TENM4: variants seen among roughly 807,000 people sequenced by gnomAD.
TENM4 encodes the protein teneurin-4.
In TENM4, 82 loss-of-function variants were observed where a neutral mutation model predicts 243.3. That is an observed-to-expected ratio of 0.34 (90% confidence interval 0.28 to 0.40). The LOEUF is 0.40. Among genes scored for constraint, TENM4 ranks in the 10% least tolerant of loss-of-function variants. The pLI is 1.00. For missense variants in TENM4, 3,138 were observed against 3,673.3 expected (o/e 0.85, Z 3.77); for synonymous variants, 1,412 against 1,456.3 (o/e 0.97, Z 0.69).
chr11:78,865,478 A>G (rs1858947331), intron 9 of TENM4, among the ~76,000 whole-genome samples: 1 of 152,198 alleles, frequency 6.6e-6, no homozygotes, highest in Admixed American at 6.5e-5. Context: ...TACATCAAAC[A>G]GCCTCCAAGG....
At chr11:78,833,924 C>T (rs995558878) in intron 12 of TENM4, among the ~76,000 whole-genome samples, 1 of 152,194 alleles carries the variant, frequency 6.6e-6, no homozygotes. Context: ...CTTCCTAACT[C>T]TTTGCATGTA....
At chr11:79,436,187 C>T (rs889134387) in intron 1 of TENM4, among the ~76,000 whole-genome samples, 1 of 151,586 alleles carries the variant, frequency 6.6e-6, no homozygotes, top group African/African-American at 2.4e-5. Context: ...TGACAGTGTT[C>T]AATAATATGA....
intron 4 of TENM4, among the ~76,000 whole-genome samples, chr11:79,094,783 G>T (rs1861040424): frequency 6.6e-6 from 1 of 152,174 alleles, no homozygotes. Flanking sequence ...TGGGGGAGGA[G>T]CTCCTACTGC....
At chr11:78,981,040 T>C (rs1307109278) in intron 6 of TENM4, among the ~76,000 whole-genome samples, 1 of 152,102 alleles carries the variant, frequency 6.6e-6, no homozygotes. Context: ...CACAATAATC[T>C]CTCCCCCATG....
intron 6 of TENM4, among the ~76,000 whole-genome samples, chr11:78,988,103 T>C (rs1857959206): frequency 6.6e-6 from 1 of 152,268 alleles, no homozygotes; most frequent in Non-Finnish European, 1.5e-5. Flanking sequence ...AGAGTTTGAC[T>C]TCCAAGGCTA....
chr11:78,987,714 T>C (rs1326556907), intron 6 of TENM4, among the ~76,000 whole-genome samples: 1 of 152,192 alleles, frequency 6.6e-6, no homozygotes, highest in African/African-American at 2.4e-5. Flanking sequence ...ATTCAAATAA[T>C]AAAAATAGTA....
chr11:79,254,197 A>AT (rs1299278766), intron 2 of TENM4, among the ~76,000 whole-genome samples: 1 of 152,196 alleles, frequency 6.6e-6, no homozygotes, highest in African/African-American at 2.4e-5. Context: ...ACTTACACCC[A>AT]TCCCCCAAAA....
At chr11:79,210,883 T>C (rs148343251) in intron 3 of TENM4, among the ~76,000 whole-genome samples, 5 of 152,344 alleles carry the variant, frequency 3.3e-5, no homozygotes, top group Non-Finnish European at 7.3e-5. Flanking sequence ...TAGCCCTCTG[T>C]ATACATACAT....
chr11:79,278,984 C>T (rs1476275724), intron 2 of TENM4, among the ~76,000 whole-genome samples: 1 of 152,178 alleles, frequency 6.6e-6, no homozygotes, highest in Non-Finnish European at 1.5e-5. Context: ...CACAGAAGCA[C>T]CCAACATGCA....
At chr11:79,167,678 G>T (rs1442197887) in intron 3 of TENM4, among the ~76,000 whole-genome samples, 5 of 152,168 alleles carry the variant, frequency 3.3e-5, no homozygotes, top group East Asian at 1.9e-4. Context: ...CTTGAGCAGG[G>T]TTGGTAGCCC....
rs1391271072 is a variant in TENM4 at position 78,903,324 on chromosome 11, C to G, written c.693G>C (p.Glu231Asp). ...GCCAGTTCTCCTGGGCGTGGGCAGG[C>G]TCCTGGGCGCCGCCGGCAGGGGGCT... ...SGEPPAGGAQEPAHAQENWLL... is the reference protein window; with the variant it reads ...SGEPPAGGAQDPAHAQENWLL... Residue 231 changes from glutamate (E) to aspartate (D), a missense_variant, in exon 7 of 34, where the codon GAG becomes GAC. Around this residue, in one of 2 missense-constraint regions of TENM4, gnomAD observed 671 missense variants for 614.1 expected, o/e 1.09. Coordinates refer to ENST00000278550, the MANE Select transcript of TENM4 (RefSeq NM_001098816.3). 16 of 1,483,204 alleles carry G rather than the reference C, an allele frequency of 1.1e-5. No homozygotes were observed. The East Asian group carries it at 3.4e-4, about 32-fold the overall frequency. The allele number at this position is 1,483,204 out of a possible 1,614,324, so 91.9% of individuals were successfully genotyped here. A position where few individuals can be genotyped will look rare whatever the true frequency, so the allele number is the denominator to read the frequency against.
At chr11:78,997,477 G>C (rs1858204488) in intron 6 of TENM4, among the ~76,000 whole-genome samples, 1 of 152,214 alleles carries the variant, frequency 6.6e-6, no homozygotes. Context: ...TTTAAGACTG[G>C]TTAAAATACG....
At position 78,669,029 on chromosome 11, in the gene TENM4, A is replaced by C. The variant is rs747221055; in HGVS notation, c.7316T>G (p.Leu2439Arg). 1 of 1,613,954 alleles carries C rather than the reference A, an allele frequency of 6.2e-7. No homozygotes were observed. The highest frequency in any genetic ancestry group is 8.5e-7 in the Non-Finnish European group (1 of 1,179,888). ...AAAAGGCATGACGTTGCTGCTACTA[A>C]GGTGCTTCCACAGCTCGTGGTCTGG... is the stretch of plus-strand genomic sequence containing the variant. ...TSPDHELWKH[L>R]SSSNVMPFNL... The change falls in exon 32 of 34, where the codon CTT becomes CGT. Residue 2439 changes from leucine (L) to arginine (R), a missense_variant. Leu to Arg is a moderately radical substitution (Grantham distance 102). Coordinates refer to ENST00000278550, the MANE Select transcript of TENM4 (RefSeq NM_001098816.3). The surrounding 1 kb of genome is among the most constrained non-coding windows in gnomAD (Gnocchi z 6.4).
At chr11:79,143,362 T>A (rs1862330568) in intron 4 of TENM4, among the ~76,000 whole-genome samples, 1 of 152,118 alleles carries the variant, frequency 6.6e-6, no homozygotes, top group South Asian at 2.1e-4. Flanking sequence ...AATGATGAGT[T>A]CATGTCCTTT....
At position 78,722,793 on chromosome 11, in the gene TENM4, G is replaced by A. The variant is rs569641503; in HGVS notation, c.3675C>T (p.Asp1225=). Residue 1225 remains aspartate (D), a synonymous_variant, in exon 24 of 34, where the codon GAC becomes GAT. Transcript: ENST00000278550. The part of the protein sequence containing the change: ...ISCPSCNGLA[D]GNKLLAPVAL... ...CCACTGGGGCCAGGAGCTTGTTGCC[G>A]TCAGCAAGGCCGTTGCAGCTGGGGC... is the stretch of plus-strand genomic sequence containing the variant. 8.1e-5 allele frequency: 130 copies of A among 1,614,052 alleles called. No individual in the cohort carries two copies. In the Middle Eastern group the frequency reaches 2.5e-3, roughly 31 times the overall value.
chr11:79,366,837 G>C (rs1857686696), intron 1 of TENM4, among the ~76,000 whole-genome samples: 1 of 152,152 alleles, frequency 6.6e-6, no homozygotes, highest in South Asian at 2.1e-4. Context: ...ATGGATCAAT[G>C]AATGAATGAG....
chr11:78,730,663 G>A (rs1241538896), intron 21 of TENM4, among the ~76,000 whole-genome samples: 2 of 152,208 alleles, frequency 1.3e-5, no homozygotes, highest in Non-Finnish European at 2.9e-5. Context: ...TGATGCGCTG[G>A]GCTCTGTTTC....
intron 6 of TENM4, among the ~76,000 whole-genome samples, chr11:78,929,540 T>C (rs1239448494): frequency 6.6e-6 from 1 of 152,178 alleles, no homozygotes; most frequent in African/African-American, 2.4e-5. Flanking sequence ...GGTCTTTAAA[T>C]GGTTCTTGGG....
In TENM4 at chr11:78,708,984, T is replaced by TTTTA. The variant is rs59432159; in HGVS notation, c.4055-470_4055-469insTAAA. ...CTTTTTCTTTCTTTTTTTTTTTTTTTAAAAAAAGAGTCTCGTTCTGTCACC... is the reference window on the plus strand; with the variant it reads ...CTTTTTCTTTCTTTTTTTTTTTTTTTTTTAAAAAAAAGAGTCTCGTTCTGTCACC... On this transcript the variant is annotated intron_variant, in intron 26 of 33. Coordinates refer to ENST00000278550, the MANE Select transcript of TENM4 (RefSeq NM_001098816.3). 5.2e-3 allele frequency among the ~76,000 whole-genome samples: 760 copies of TTTTA among 145,170 alleles called. 18 individuals carry two copies. Among genetic ancestry groups the TTTTA allele is most frequent in the African/African-American group, 0.02 (739 of 37,152 alleles).
Sources: allele counts gnomAD v4.1 joint callset (sites outside exome capture counted in the v4.1 genomes callset), GRCh38; gene constraint gnomAD v4.1.1; regional missense constraint gnomAD v4.1.1; non-coding constraint Gnocchi (gnomAD v3.1); transcripts MANE v1.5; gene names NCBI Gene and HGNC (gene_info 2026-07-23, HGNC 2026-07-21).